The following TMPRSS6 variants were observed in gnomAD, a reference collection of about 807,000 sequenced individuals.
TMPRSS6 encodes the protein transmembrane protease serine 6.
Under a neutral mutation model 101.5 loss-of-function variants are expected in TMPRSS6, and 67 were observed. The ratio of observed to expected loss-of-function variants is 0.66; its 90% CI spans 0.54 to 0.81. The LOEUF (loss-of-function observed/expected upper bound fraction) is 0.81. Among genes scored for constraint, TMPRSS6 ranks in the 30% least tolerant of loss-of-function variants. TMPRSS6 has a pLI of 0.00. For synonymous variants in TMPRSS6, 453 were observed against 464.9 expected, an observed-to-expected ratio of 0.97 and a Z score of 0.33; for missense variants, 1,034 against 1,088.7, an observed-to-expected ratio of 0.95 and a Z score of 0.71.
intron 7 of TMPRSS6, among the ~76,000 whole-genome samples, chr22:37,087,875 T>C (rs1928911607): frequency 6.6e-6 from 1 of 151,866 alleles, no homozygotes; most frequent in African/African-American, 2.4e-5. Flanking sequence ...GAACGCAGAA[T>C]CAAAGCACAT....
chr22:37,070,943 T>C lies in TMPRSS6; in HGVS notation c.1645A>G (p.Arg549Gly), dbSNP rs774175432. The C allele has an allele frequency of 6.2e-7, 1 of 1,613,288 alleles. No homozygotes were observed. Among genetic ancestry groups the C allele is most frequent in the Non-Finnish European group, 8.5e-7 (1 of 1,179,992 alleles). The change falls in exon 14 of 18, where the codon AGG becomes GGG. Residue 549 changes from arginine (R) to glycine (G), a missense_variant. Coordinates refer to ENST00000676104, the MANE Select transcript of TMPRSS6 (RefSeq NM_001374504.1). ...CAGTGCTCCTCATCCGAGCCGTCCC[T>C]GCAGTCGGGCCGCCCATCACACTGC... ...NPQCDGRPDCRDGSDEEHCDC... is the reference protein window; with the variant it reads ...NPQCDGRPDCGDGSDEEHCDC...
chr22:37,089,466 G>T, intron 7 of TMPRSS6, 112 bp downstream of exon 7: 1 of 1,072,316 alleles, frequency 9.3e-7, no homozygotes, highest in Non-Finnish European at 1.4e-6. Flanking sequence ...CAGATACCCA[G>T]GCCCAAGGTC....
intron 17 of TMPRSS6, among the ~76,000 whole-genome samples, chr22:37,066,560 TGTG>T (rs775646759): frequency 3.2e-4 from 48 of 152,346 alleles, no homozygotes; most frequent in African/African-American, 1.1e-3. Flanking sequence ...CCTAGTGCCT[TGTG>T]GTGGGCAAGG....
chr22:37,094,381 TGATA>T (rs67454685), intron 6 of TMPRSS6, among the ~76,000 whole-genome samples: 11,482 of 130,968 alleles, frequency 0.088, 490 homozygotes, highest in South Asian at 0.14. Flanking sequence ...TAATGATTGA[TGATA>T]GATAGATAGA....
chr22:37,109,137 G>C (rs982030772), intron 1 of TMPRSS6, among the ~76,000 whole-genome samples: 6 of 152,114 alleles, frequency 3.9e-5, no homozygotes, highest in Admixed American at 1.3e-4. Context: ...TCCTACACCA[G>C]AAGGCCCAGG....
At chr22:37,100,315 A>G (rs1426112775) in intron 2 of TMPRSS6, among the ~76,000 whole-genome samples, 1 of 152,234 alleles carries the variant, frequency 6.6e-6, no homozygotes, top group Non-Finnish European at 1.5e-5. Flanking sequence ...TTGCTTTATC[A>G]AATGGTCCCT....
chr22:37,088,293 A>G (rs1928945181), intron 7 of TMPRSS6, among the ~76,000 whole-genome samples: 1 of 152,182 alleles, frequency 6.6e-6, no homozygotes. Flanking sequence ...AGGAGAGAGC[A>G]GCTTGGAGAG....
chr22:37,075,253 G>A lies in TMPRSS6; in HGVS notation c.1224C>T (p.Pro408=), dbSNP rs1481665067. The change falls in exon 11 of 18, where the codon CCC becomes CCT. Residue 408 remains proline (P), a synonymous_variant. Coordinates refer to ENST00000676104, the MANE Select transcript of TMPRSS6 (RefSeq NM_001374504.1). ...RRLCGLRILQ[P]YAERIPVVAT... ...CCACCACGGGGATCCTCTCGGCGTA[G>A]GGCTGCAGGATGCGCAAGCCACACA... 2.5e-6 allele frequency: 4 copies of A among 1,613,512 alleles called. No individual in the cohort carries two copies. In the African/African-American group the frequency reaches 5.3e-5, roughly 22 times the overall value.
intron 16 of TMPRSS6, 119 bp from the exon 17 acceptor site, chr22:37,067,081 C>T: frequency 1.4e-6 from 2 of 1,470,462 alleles, no homozygotes; most frequent in South Asian, 2.4e-5. Flanking sequence ...TCTGCCCACC[C>T]TTACCCCTGC....
chr22:37,070,711 CAGAG>C, intron 14 of TMPRSS6, 59 bp from the exon 15 acceptor site: 1 of 1,562,544 alleles, frequency 6.4e-7, no homozygotes. Flanking sequence ...GAGAAGCAGA[CAGAG>C]AGGAAGGGCA....
At chr22:37,072,276 C>G (rs1209534461) in intron 13 of TMPRSS6, among the ~76,000 whole-genome samples, 834 of 42,868 alleles carry the variant, frequency 0.019, no homozygotes, top group Middle Eastern at 0.029. Context: ...TGGATGGTTG[C>G]ATGGATGGAT....
intron 17 of TMPRSS6, 129 bp downstream of exon 17, chr22:37,066,697 G>C: frequency 8.1e-7 from 1 of 1,241,222 alleles, no homozygotes; most frequent in Non-Finnish European, 1.2e-6. Context: ...TAAAGTAGGG[G>C]TGGCCATCAC....
intron 6 of TMPRSS6, among the ~76,000 whole-genome samples, chr22:37,094,146 T>C (rs1318913932): frequency 1.3e-5 from 2 of 152,150 alleles, no homozygotes; most frequent in African/African-American, 4.8e-5. Flanking sequence ...TAAGTCCCCC[T>C]GAGGCTCTCA....
In TMPRSS6 at chr22:37,089,741, G is replaced by A. The variant is rs150564884; in HGVS notation, c.673C>T (p.Arg225Trp). The change falls in exon 7 of 18, where the codon CGG becomes TGG. Residue 225 changes from arginine to tryptophan, a missense_variant. By Grantham distance (101) the Arg-to-Trp change is moderately radical (BLOSUM62 -3). Coordinates refer to ENST00000676104, the MANE Select transcript of TMPRSS6 (RefSeq NM_001374504.1). ...YSYVGQGQVL[R>W]LKGPDHLASS... The stretch of plus-strand genomic sequence containing the variant: ...GCCAGGTGGTCAGGCCCCTTCAGCC[G>A]GAGGACCTGGCCCTGGCCCACGTAG... 70 of 1,612,368 alleles carry A rather than the reference G, an allele frequency of 4.3e-5. No homozygotes were observed. The highest frequency in any genetic ancestry group is 2.0e-4 in the East Asian group (9 of 44,870).
chr22:37,103,936 C>T lies in TMPRSS6; in HGVS notation c.-1-518G>A, dbSNP rs186923420. 1.3e-5 allele frequency among the ~76,000 whole-genome samples: 2 copies of T among 152,198 alleles called. No homozygotes were observed. Among genetic ancestry groups the T allele is most frequent in the African/African-American group, 2.4e-5 (1 of 41,460 alleles). On this transcript the variant is annotated intron_variant, in intron 1 of 17. Transcript: ENST00000676104. The surrounding 1 kb of genome is among the most constrained non-coding windows in gnomAD (Gnocchi z 4.4). ...CCCCTGAGCTGGCACTGCGCTGGGC[C>T]GGGGACCTGCCTTCCTTCACAGAGT...
Position 37,095,950 on chromosome 22 carries a change from T to C in TMPRSS6, c.545A>G (p.Tyr182Cys), listed in dbSNP as rs763118471. The stretch of plus-strand genomic sequence containing the variant: ...GGGGTCCACTTCGTACTCGGCCCTG[T>C]AGGGGACGGCAGCCGAGCTGTTGAC... ...STVNSSAAVP[Y>C]RAEYEVDPEG... The change falls in exon 5 of 18, where the codon TAC becomes TGC. Residue 182 changes from tyrosine to cysteine, a missense_variant. By Grantham distance (194) the Tyr-to-Cys change is radical. Transcript: ENST00000676104. The C allele has an allele frequency of 3.1e-6, 5 of 1,614,126 alleles. No homozygotes were observed. The highest frequency in any genetic ancestry group is 1.1e-5 in the South Asian group (1 of 91,084).
intron 11 of TMPRSS6, 141 bp from the exon 12 acceptor site, chr22:37,074,849 G>A (rs1927478071): frequency 2.2e-6 from 2 of 910,360 alleles, no homozygotes; most frequent in Non-Finnish European, 3.5e-6. Flanking sequence ...CTGGGCACCT[G>A]TGTACACAGT....
In TMPRSS6 at chr22:37,109,512, C is replaced by T. The variant is rs228916; in HGVS notation, c.-11G>A. On this transcript the variant is annotated 5_prime_UTR_variant, in exon 1 of 18. Coordinates refer to ENST00000676104, the MANE Select transcript of TMPRSS6 (RefSeq NM_001374504.1). ...GGAGGCCCCCGCTTACCTTTGGGAGCGGCAGATAGGTGCCGGGCCTGCACA... is the reference window on the plus strand; with the variant it reads ...GGAGGCCCCCGCTTACCTTTGGGAGTGGCAGATAGGTGCCGGGCCTGCACA... 137,559 of 152,418 alleles carry T rather than the reference C, an allele frequency of 0.9. 62,248 individuals are homozygous for T. The highest frequency in any genetic ancestry group is 1 in the East Asian group (5,158 of 5,168). 9.4% of individuals were successfully genotyped at this position (152,418 alleles called of 1,614,324 possible). A position where few individuals can be genotyped will look rare whatever the true frequency, so the allele number is the denominator to read the frequency against.
intron 8 of TMPRSS6, among the ~76,000 whole-genome samples, chr22:37,085,226 G>C (rs923876552): frequency 2.0e-5 from 3 of 152,188 alleles, no homozygotes; most frequent in Non-Finnish European, 4.4e-5. Flanking sequence ...TCGGAGAAAA[G>C]GAGTGGCTTG....
Sources: allele counts gnomAD v4.1 joint callset (sites outside exome capture counted in the v4.1 genomes callset), GRCh38; gene constraint gnomAD v4.1.1; non-coding constraint Gnocchi (gnomAD v3.1); transcripts MANE v1.5; gene names NCBI Gene and HGNC (gene_info 2026-07-23, HGNC 2026-07-21).